Variants in FABP6 observed in about 807,000 individuals in gnomAD.
FABP6 encodes the protein gastrotropin.
FABP6 carries 13 observed loss-of-function variants against 14.9 expected under a neutral mutation model. The ratio of observed to expected loss-of-function variants is 0.87; its 90% CI spans 0.57 to 1.39. The LOEUF is 1.39. FABP6 is among the 40% of genes most tolerant of loss of function. The pLI, the probability that FABP6 is intolerant of heterozygous loss-of-function variation, is 0.00. For missense variants in FABP6, 161 were observed against 167.2 expected (o/e 0.96, Z 0.20); for synonymous variants, 75 against 63.6 (o/e 1.18, Z -0.85).
chr5:160,219,495 T>C (rs1322756068), intron 3 of FABP6, among the ~76,000 whole-genome samples: 1 of 151,980 alleles, frequency 6.6e-6, no homozygotes, highest in Non-Finnish European at 1.5e-5. Context: ...AACAAATAGG[T>C]AAACCCAGGA....
chr5:160,189,362 C>T (rs963713323), intron 1 of FABP6, among the ~76,000 whole-genome samples: 1 of 152,144 alleles, frequency 6.6e-6, no homozygotes, highest in Non-Finnish European at 1.5e-5. Flanking sequence ...CTGCCTCAGC[C>T]TCCCTAGTAG....
chr5:160,234,564 T>A (rs1360116298), intron 2 of FABP6, among the ~76,000 whole-genome samples: 1 of 151,930 alleles, frequency 6.6e-6, no homozygotes, highest in Non-Finnish European at 1.5e-5. Context: ...GTAGCTGGGA[T>A]TACAGGCATG....
At chr5:160,225,925 G>A (rs1227194453), upstream of FABP6, among the ~76,000 whole-genome samples, 6 of 152,088 alleles carry the variant, frequency 3.9e-5, no homozygotes, top group African/African-American at 7.2e-5. Context: ...TGTAATACCC[G>A]CATTTTGGGA....
chr5:160,229,682 G>C, intron 1 of FABP6, 58 bp downstream of exon 1: 1 of 1,500,794 alleles, frequency 6.7e-7, no homozygotes, highest in Non-Finnish European at 9.3e-7. Context: ...CCAGCTCTGG[G>C]CCAGGAACCC....
At chr5:160,198,213 C>T (rs2113068802) in intron 1 of FABP6, 1 of 152,154 alleles carries the variant, frequency 6.6e-6, no homozygotes, top group East Asian at 1.9e-4. Context: ...CCTTTGCCCC[C>T]TCCTCTTAGT....
chr5:160,237,276 C>G (rs1011236481), intron 3 of FABP6, among the ~76,000 whole-genome samples: 9 of 152,066 alleles, frequency 5.9e-5, no homozygotes, highest in African/African-American at 1.9e-4. Flanking sequence ...CTTGTCAATT[C>G]CCAGAGATTC....
chr5:160,224,640 C>T (rs1760202579), upstream of FABP6, among the ~76,000 whole-genome samples: 2 of 152,080 alleles, frequency 1.3e-5, no homozygotes, highest in Admixed American at 1.3e-4. Flanking sequence ...ATTAAAATGC[C>T]ACTCAAGGCT....
chr5:160,206,557 G>A (rs12514010), intron 2 of FABP6, among the ~76,000 whole-genome samples: 30,998 of 152,128 alleles, frequency 0.2, 3,281 homozygotes, highest in South Asian at 0.25. Context: ...TATACATCAT[G>A]TTTCATACAT....
chr5:160,234,578 C>T (rs904694010), intron 2 of FABP6, among the ~76,000 whole-genome samples: 2 of 152,048 alleles, frequency 1.3e-5, no homozygotes, highest in Admixed American at 6.6e-5. Flanking sequence ...AGGCATGAGC[C>T]ACCACACCGG....
At chr5:160,191,746 G>A (rs1759398855) in intron 1 of FABP6, among the ~76,000 whole-genome samples, 1 of 150,562 alleles carries the variant, frequency 6.6e-6, no homozygotes, top group Non-Finnish European at 1.5e-5. Flanking sequence ...CAGATCACAA[G>A]GTCAGGAGAT....
At chr5:160,198,196 C>G (rs1360274899) in intron 1 of FABP6, 1 of 152,044 alleles carries the variant, frequency 6.6e-6, no homozygotes, top group Non-Finnish European at 1.5e-5. Context: ...GCTACATAGT[C>G]TGGAGTCCTT....
At position 160,222,095 on chromosome 5, in the gene FABP6, C is replaced by CTTTTTT. The variant is rs202190021; in HGVS notation, c.136-7439_136-7434dup. Among the ~76,000 whole-genome samples, 133 of 130,306 alleles carry CTTTTTT rather than the reference C, an allele frequency of 1.0e-3. 1 individual carries two copies. Among genetic ancestry groups the CTTTTTT allele is most frequent in the Middle Eastern group, 4.1e-3 (1 of 244 alleles). 85.5% of individuals were successfully genotyped at this position (130,306 alleles called of 152,430 possible). On this transcript the variant is annotated intron_variant, in intron 3 of 6. Transcript: ENST00000393980. The stretch of plus-strand genomic sequence containing the variant: ...TTGTTCTTTCCAAATTTTTTCTTTT[C>CTTTTTT]TTTTTTTTTTTTTTTTTAGACAGGG...
chr5:160,212,375 C>T (rs1251063258), intron 2 of FABP6, among the ~76,000 whole-genome samples: 1 of 151,988 alleles, frequency 6.6e-6, no homozygotes, highest in Non-Finnish European at 1.5e-5. Context: ...AGGTTGGTCT[C>T]CATCTCCTGA....
At chr5:160,228,518 A>G (rs971965093), upstream of FABP6, 3 of 456,158 alleles carry the variant, frequency 6.6e-6, no homozygotes, top group African/African-American at 6.0e-5. Context: ...CACGGAGGAG[A>G]TAGAGTCCCT....
chr5:160,228,617 A>G (rs1280596398), upstream of FABP6: 2 of 446,986 alleles, frequency 4.5e-6, no homozygotes, highest in Non-Finnish European at 9.0e-6. Flanking sequence ...GCTTGAACAA[A>G]ATAAAACTCA....
intron 2 of FABP6, chr5:160,213,632 A>G: frequency 1.1e-6 from 1 of 902,954 alleles, no homozygotes; most frequent in Non-Finnish European, 1.8e-6. Flanking sequence ...TGCAATTAAG[A>G]GCGCTGCTAT....
chr5:160,193,189 T>C (rs974817817), intron 1 of FABP6, among the ~76,000 whole-genome samples: 3 of 152,118 alleles, frequency 2.0e-5, no homozygotes, highest in African/African-American at 4.8e-5. Context: ...TTCTTCCTTC[T>C]GGTGGGTTCG....
chr5:160,210,040 G>C (rs1020707926), intron 2 of FABP6, among the ~76,000 whole-genome samples: 6 of 152,156 alleles, frequency 3.9e-5, no homozygotes, highest in African/African-American at 1.4e-4. Flanking sequence ...ATCTGACCAG[G>C]GGAGTCTTGC....
intron 3 of FABP6, among the ~76,000 whole-genome samples, chr5:160,214,756 C>G (rs2113109815): frequency 6.6e-6 from 1 of 151,398 alleles, no homozygotes; most frequent in South Asian, 2.1e-4. Context: ...GAGTTCACGA[C>G]CAGCATGGGC....
Sources: allele counts gnomAD v4.1 joint callset (sites outside exome capture counted in the v4.1 genomes callset), GRCh38; gene constraint gnomAD v4.1.1; transcripts MANE v1.5; gene names NCBI Gene and HGNC (gene_info 2026-07-23, HGNC 2026-07-21).